Variants in KCNIP1 observed in about 807,000 individuals in gnomAD.
KCNIP1 encodes the protein potassium voltage-gated channel interacting protein 1.
KCNIP1 carries 18 observed loss-of-function variants against 33.0 expected under a neutral mutation model. The ratio of observed to expected loss-of-function variants is 0.55; its 90% confidence interval spans 0.38 to 0.81. KCNIP1 has a LOEUF of 0.81. Ranked by LOEUF, KCNIP1 falls within the 30% of genes least tolerant of loss-of-function variation. The pLI, the probability that KCNIP1 is intolerant of heterozygous loss-of-function variation, is 0.00. For synonymous variants in KCNIP1, 93 were observed against 98.3 expected (o/e 0.95, Z 0.32); for missense variants, 238 against 271.6 (o/e 0.88, Z 0.87).
chr5:170,698,725 T>G (rs764123363), intron 1 of KCNIP1, among the ~76,000 whole-genome samples: 2 of 152,216 alleles, frequency 1.3e-5, no homozygotes, highest in Non-Finnish European at 2.9e-5. Context: ...CAAGCTGTCT[T>G]TCTTCAGAAG....
chr5:170,428,017 G>A (rs1318121169), intron 1 of KCNIP1, among the ~76,000 whole-genome samples: 2 of 152,290 alleles, frequency 1.3e-5, no homozygotes, highest in African/African-American at 2.4e-5. Flanking sequence ...TCTCCTCCAC[G>A]TGGTGAGCTC....
intron 1 of KCNIP1, among the ~76,000 whole-genome samples, chr5:170,471,227 T>C (rs1756717788): frequency 6.6e-6 from 1 of 152,208 alleles, no homozygotes; most frequent in African/African-American, 2.4e-5. Context: ...GAACTATCGG[T>C]TGGGTGCTCT....
intron 1 of KCNIP1, among the ~76,000 whole-genome samples, chr5:170,370,469 C>G (rs1234196172): frequency 6.6e-6 from 1 of 152,192 alleles, no homozygotes; most frequent in Non-Finnish European, 1.5e-5. Flanking sequence ...CAGGCTCCCT[C>G]TCAAAGACAA....
At chr5:170,713,175 T>C (rs1763519191) in intron 1 of KCNIP1, among the ~76,000 whole-genome samples, 1 of 152,246 alleles carries the variant, frequency 6.6e-6, no homozygotes, top group Non-Finnish European at 1.5e-5. Context: ...ACAAATGGCC[T>C]GGATTTCTGT....
chr5:170,721,544 A>C (rs1763824750), intron 3 of KCNIP1, among the ~76,000 whole-genome samples: 2 of 152,112 alleles, frequency 1.3e-5, no homozygotes, highest in African/African-American at 4.8e-5. Flanking sequence ...ATTGTCATGC[A>C]GTCACTGTGC....
At chr5:170,631,828 CA>C (rs1409045895) in intron 1 of KCNIP1, among the ~76,000 whole-genome samples, 1 of 152,212 alleles carries the variant, frequency 6.6e-6, no homozygotes, top group East Asian at 1.9e-4. Flanking sequence ...CAGTCCTGAC[CA>C]GGGGAAAGAG....
intron 1 of KCNIP1, among the ~76,000 whole-genome samples, chr5:170,560,870 A>C (rs888529228): frequency 6.7e-6 from 1 of 150,260 alleles, no homozygotes; most frequent in Non-Finnish European, 1.5e-5. Context: ...CTTCCCCTCC[A>C]TTTCCTTCTC....
chr5:170,413,928 TAA>T (rs3051750), intron 1 of KCNIP1, among the ~76,000 whole-genome samples: 72,827 of 138,106 alleles, frequency 0.53, 19,493 homozygotes, highest in African/African-American at 0.68. Flanking sequence ...GAGTGGAAGT[TAA>T]AAAAAAAAAA....
intron 1 of KCNIP1, among the ~76,000 whole-genome samples, chr5:170,537,219 C>G (rs1301844256): frequency 6.6e-6 from 1 of 152,174 alleles, no homozygotes; most frequent in African/African-American, 2.4e-5. Context: ...CAGTGGAGTC[C>G]CCTGGCCTGG....
At chr5:170,531,751 A>G (rs1162840100) in intron 1 of KCNIP1, among the ~76,000 whole-genome samples, 2 of 152,156 alleles carry the variant, frequency 1.3e-5, no homozygotes, top group Non-Finnish European at 2.9e-5. Context: ...AGTGCTGACA[A>G]TGGGGGAGCC....
In KCNIP1 at chr5:170,426,465, C is replaced by A. The variant is rs539962022; in HGVS notation, c.88+72501C>A. ...ACTGGGACATACTGAAGGGCGAAGG[C>A]TTGAGTCACAAAGTCACAGGGATAA... On this transcript the variant is annotated intron_variant, in intron 1 of 7. Coordinates refer to the KCNIP1 transcript ENST00000377360. Among the ~76,000 whole-genome samples, 10 of 152,318 alleles carry A rather than the reference C, an allele frequency of 6.6e-5. No homozygotes were observed. The South Asian group carries it at 2.1e-3, about 32-fold the overall frequency.
At chr5:170,478,516 A>G (rs1581228820) in intron 1 of KCNIP1, among the ~76,000 whole-genome samples, 1 of 152,004 alleles carries the variant, frequency 6.6e-6, no homozygotes, top group Admixed American at 6.6e-5. Context: ...TCTGGCTGGC[A>G]GCTCCAGATG....
intron 1 of KCNIP1, among the ~76,000 whole-genome samples, chr5:170,642,435 T>G (rs1329501221): frequency 2.6e-5 from 4 of 152,186 alleles, no homozygotes; most frequent in African/African-American, 9.7e-5. Context: ...TGGAAGCCGA[T>G]GGACTGGGCC....
intron 1 of KCNIP1, among the ~76,000 whole-genome samples, chr5:170,676,732 T>G (rs1024438819): frequency 4.6e-4 from 70 of 152,300 alleles, no homozygotes; most frequent in Non-Finnish European, 4.4e-4. Context: ...GATAACTAAG[T>G]GAACTGCTCC....
Position 170,453,411 on chromosome 5 carries a change from A to C in KCNIP1, c.88+99447A>C, listed in dbSNP as rs1756301915. Reference sequence around the variant, plus strand: ...TTGCAGCCACCATACCACCAAAGAAAACAGGTGCACTTCCAGGCATCATTT... The same window carrying C: ...TTGCAGCCACCATACCACCAAAGAACACAGGTGCACTTCCAGGCATCATTT... On this transcript the variant is annotated intron_variant, in intron 1 of 7. Coordinates refer to the KCNIP1 transcript ENST00000377360. 2.6e-5 allele frequency among the ~76,000 whole-genome samples: 4 copies of C among 152,222 alleles called. No individual in the cohort carries two copies. In the South Asian group the frequency reaches 8.3e-4, roughly 31 times the overall value.
intron 1 of KCNIP1, among the ~76,000 whole-genome samples, chr5:170,717,143 G>A (rs540121904): frequency 6.6e-6 from 1 of 152,210 alleles, no homozygotes; most frequent in African/African-American, 2.4e-5. Context: ...TCTAATGCTA[G>A]GAGATTCAAA....
At chr5:170,556,688 A>G (rs1756859558) in intron 1 of KCNIP1, among the ~76,000 whole-genome samples, 1 of 152,202 alleles carries the variant, frequency 6.6e-6, no homozygotes, top group South Asian at 2.1e-4. Context: ...GTCTCTTCCG[A>G]TGGTCTCCAT....
chr5:170,491,892 G>A (rs752157314), intron 1 of KCNIP1, among the ~76,000 whole-genome samples: 15 of 152,174 alleles, frequency 9.9e-5, no homozygotes, highest in Non-Finnish European at 1.3e-4. Flanking sequence ...GGCCCAGCTC[G>A]ATGGCATATA....
At chr5:170,551,162 T>C (rs1442881091) in intron 1 of KCNIP1, among the ~76,000 whole-genome samples, 1 of 152,224 alleles carries the variant, frequency 6.6e-6, no homozygotes, top group East Asian at 1.9e-4. Context: ...TAGCAAGACA[T>C]GTACTCATCC....
Sources: gnomAD v4.1 joint callset for allele counts (sites outside exome capture counted in the v4.1 genomes callset) on GRCh38, gnomAD v4.1.1 for gene constraint, MANE v1.5 for transcripts, NCBI Gene and HGNC (gene_info 2026-07-23, HGNC 2026-07-21) for gene names.